The following PDE6D variants were observed in gnomAD, a reference collection of about 807,000 sequenced individuals.
PDE6D encodes the protein retinal rod rhodopsin-sensitive cGMP 3',5'-cyclic phosphodiesterase subunit delta.
Under a neutral mutation model 21.9 loss-of-function variants are expected in PDE6D, and 10 were observed. That is an observed-to-expected ratio of 0.46 (90% CI 0.28 to 0.78). The LOEUF (loss-of-function observed/expected upper bound fraction) is 0.78. Ranked by LOEUF, PDE6D falls within the 30% of genes least tolerant of loss-of-function variation. The pLI, the probability that PDE6D is intolerant of heterozygous loss-of-function variation, is 0.12. For missense variants in PDE6D, 139 were observed against 184.8 expected, an observed-to-expected ratio of 0.75 and a Z score of 1.44; for synonymous variants, 59 against 63.5, an observed-to-expected ratio of 0.93 and a Z score of 0.34.
chr2:231,767,418 C>A (rs771473471), intron 1 of PDE6D, among the ~76,000 whole-genome samples: 24 of 151,612 alleles, frequency 1.6e-4, no homozygotes, highest in Non-Finnish European at 2.7e-4. Context: ...CAGGTTCATG[C>A]CCTTCTCTTG....
intron 4 of PDE6D, among the ~76,000 whole-genome samples, chr2:231,734,839 T>C (rs1308499077): frequency 1.6e-5 from 2 of 127,108 alleles, no homozygotes; most frequent in African/African-American, 3.1e-5. Context: ...AGAGCGAGAC[T>C]CCGTCTCAAA....
chr2:231,735,756 G>A (rs2048695104), intron 4 of PDE6D, among the ~76,000 whole-genome samples: 1 of 151,622 alleles, frequency 6.6e-6, no homozygotes, highest in South Asian at 2.1e-4. Context: ...GGGCACGGTG[G>A]CTCATGCCTG....
chr2:231,777,455 T>A (rs1353107524), intron 1 of PDE6D, among the ~76,000 whole-genome samples: 1 of 151,874 alleles, frequency 6.6e-6, no homozygotes, highest in Non-Finnish European at 1.5e-5. Context: ...CAGGTGTGAG[T>A]CACCATGCCC....
At chr2:231,775,223 AT>A (rs2049045683) in intron 1 of PDE6D, among the ~76,000 whole-genome samples, 1 of 150,650 alleles carries the variant, frequency 6.6e-6, no homozygotes, top group Admixed American at 6.6e-5. Flanking sequence ...CTAATTTTTA[AT>A]TTTATTTTCG....
At chr2:231,776,884 T>A (rs1167483880) in intron 1 of PDE6D, among the ~76,000 whole-genome samples, 1 of 152,240 alleles carries the variant, frequency 6.6e-6, no homozygotes, top group Non-Finnish European at 1.5e-5. Flanking sequence ...GTTATGCTTT[T>A]AACAAACAAG....
At chr2:231,765,781 T>C (rs1410707727) in intron 1 of PDE6D, among the ~76,000 whole-genome samples, 3 of 152,200 alleles carry the variant, frequency 2.0e-5, no homozygotes, top group South Asian at 2.1e-4. Context: ...TCTGTTTTCA[T>C]AGTTTTTGGT....
Position 231,781,081 on chromosome 2 carries a change from G to A in PDE6D, c.34C>T (p.Leu12=). The change falls in exon 1 of 5, where the codon CTG becomes TTG. Residue 12 remains leucine (L), a synonymous_variant. Coordinates refer to ENST00000287600, the MANE Select transcript of PDE6D (RefSeq NM_002601.4). ...GACGGATACAGTTTGAAGCCCCTCA[G>A]GATCTCCCTGGCCCGCTCGTCCTTG... is the stretch of plus-strand genomic sequence containing the variant. ...SAKDERAREI[L]RGFKLNWMNL... The A allele has an allele frequency of 6.2e-7, 1 of 1,613,476 alleles. No homozygotes were observed. The highest frequency in any genetic ancestry group is 2.2e-5 in the East Asian group (1 of 44,818).
intron 1 of PDE6D, among the ~76,000 whole-genome samples, chr2:231,780,732 T>C (rs553844290): frequency 1.3e-5 from 2 of 152,198 alleles, no homozygotes; most frequent in East Asian, 3.9e-4. Flanking sequence ...TCCCGGCCTC[T>C]GGGTCCCGGC....
chr2:231,736,385 C>T (rs1466310813), intron 4 of PDE6D, among the ~76,000 whole-genome samples: 1 of 152,006 alleles, frequency 6.6e-6, no homozygotes, highest in Non-Finnish European at 1.5e-5. Flanking sequence ...ATGATCTTGG[C>T]TCATTGTAAC....
intron 1 of PDE6D, among the ~76,000 whole-genome samples, chr2:231,764,804 C>T (rs1297832690): frequency 6.6e-6 from 1 of 152,202 alleles, no homozygotes; most frequent in Admixed American, 6.5e-5. Flanking sequence ...AAGTCAAATT[C>T]TACTGACACT....
chr2:231,775,074 G>A (rs2049044402), intron 1 of PDE6D, among the ~76,000 whole-genome samples: 1 of 151,650 alleles, frequency 6.6e-6, no homozygotes, highest in Admixed American at 6.6e-5. Flanking sequence ...CACCAAGTTT[G>A]GCTAATTTTT....
At chr2:231,753,428 G>C (rs2048858655) in intron 1 of PDE6D, among the ~76,000 whole-genome samples, 2 of 151,918 alleles carry the variant, frequency 1.3e-5, no homozygotes, top group African/African-American at 4.8e-5. Flanking sequence ...GCACGCGCCT[G>C]TAGTCCCAGC....
chr2:231,758,767 G>C (rs980191617), intron 1 of PDE6D, among the ~76,000 whole-genome samples: 1 of 152,180 alleles, frequency 6.6e-6, no homozygotes, highest in East Asian at 1.9e-4. Flanking sequence ...GTCATCTGGA[G>C]ATCTTGTTAA....
intron 1 of PDE6D, among the ~76,000 whole-genome samples, chr2:231,741,101 G>A (rs540164048): frequency 1.1e-5 from 1 of 94,256 alleles, no homozygotes; most frequent in Non-Finnish European, 1.9e-5. Context: ...CAACAAGAGC[G>A]AAACCCTGTC....
chr2:231,733,692 C>T (rs188694053), intron 4 of PDE6D, among the ~76,000 whole-genome samples: 2,238 of 138,324 alleles, frequency 0.016, 57 homozygotes, highest in African/African-American at 0.054. Context: ...TCTTCCAAGC[C>T]GCCCAGCTCT....
chr2:231,751,193 A>C (rs1305834502), intron 1 of PDE6D, among the ~76,000 whole-genome samples: 1 of 150,622 alleles, frequency 6.6e-6, no homozygotes, highest in Admixed American at 6.6e-5. Context: ...GTCTTGCTTC[A>C]TTGCCCAGGC....
chr2:231,738,268 T>C, intron 2 of PDE6D, 130 bp from the exon 3 acceptor site: 1 of 890,348 alleles, frequency 1.1e-6, no homozygotes, highest in Non-Finnish European at 1.7e-6. Context: ...AGAGAACACT[T>C]TCTTACATTT....
rs540877997 is a variant in PDE6D, at chr2:231,780,885, C to T, written c.50+180G>A. Among the ~76,000 whole-genome samples, 195 of 152,334 alleles carry T rather than the reference C, an allele frequency of 1.3e-3. 3 individuals are homozygous for T. The highest frequency in any genetic ancestry group is 2.5e-3 in the East Asian group (13 of 5,162). ...GTCCCCTTCCTCCCTCAGGACGCCC[C>T]TTGGGGCGCCTCTCGCGCCGGGTCC... On this transcript the variant is annotated intron_variant, in intron 1 of 4. Transcript: ENST00000287600.
chr2:231,753,031 C>T (rs2048854331), intron 1 of PDE6D, among the ~76,000 whole-genome samples: 1 of 148,254 alleles, frequency 6.7e-6, no homozygotes, highest in African/African-American at 2.4e-5. Flanking sequence ...CGGGGTTTCA[C>T]CGTGTTAGCC....
Sources: allele counts gnomAD v4.1 joint callset (sites outside exome capture counted in the v4.1 genomes callset), GRCh38; gene constraint gnomAD v4.1.1; transcripts MANE v1.5; gene names NCBI Gene and HGNC (gene_info 2026-07-23, HGNC 2026-07-21).